Variants in SYNE2 observed in about 807,000 individuals in gnomAD.
The protein encoded by SYNE2 is spectrin repeat containing nuclear envelope protein 2.
SYNE2 carries 431 observed loss-of-function variants against 856.3 expected under a neutral mutation model. The ratio of observed to expected loss-of-function variants is 0.50; its 90% CI spans 0.47 to 0.55. The LOEUF is 0.55. SYNE2 is among the 20% of genes least tolerant of loss of function. The pLI, the probability that SYNE2 is intolerant of heterozygous loss-of-function variation, is 0.00. For synonymous variants in SYNE2, 2,923 were observed against 2,872.3 expected, an observed-to-expected ratio of 1.02 and a Z score of -0.56; for missense variants, 8,129 against 8,023.2, an observed-to-expected ratio of 1.01 and a Z score of -0.50.
intron 103 of SYNE2, 137 bp downstream of exon 103, chr14:64,210,261 C>A: frequency 8.7e-7 from 1 of 1,152,828 alleles, no homozygotes; most frequent in Non-Finnish European, 1.2e-6. Context: ...AGTCCTCCAA[C>A]ACAAAGAAGC....
chr14:64,150,929 G>C (rs1448055214), intron 84 of SYNE2, among the ~76,000 whole-genome samples: 2 of 152,114 alleles, frequency 1.3e-5, no homozygotes, highest in Non-Finnish European at 2.9e-5. Flanking sequence ...GGGTGCCTTT[G>C]TAACCAGTCC....
intron 2 of SYNE2, among the ~76,000 whole-genome samples, chr14:63,929,785 T>A (rs867817734): frequency 1.4e-4 from 18 of 125,010 alleles, no homozygotes; most frequent in South Asian, 2.7e-4. Flanking sequence ...AAAAAAAAAA[T>A]TTTTTTTTTC....
Position 64,225,426 on chromosome 14 carries a change from T to A in SYNE2, c.20624T>A (p.Leu6875Gln). 6.2e-7 allele frequency: 1 copy of A among 1,614,168 alleles called. No homozygotes were observed. Among genetic ancestry groups the A allele is most frequent in the Non-Finnish European group, 8.5e-7 (1 of 1,180,008 alleles). ...CTGCTGCTGCTCCTGGCCTGCCTGC[T>A]GCCCTCCTCCGAAGAAGACTACAGC... ...LLLLLLLACL[L>Q]PSSEEDYSCT... The change falls in exon 116 of 116, where the codon CTG becomes CAG. Residue 6875 changes from leucine to glutamine, a missense_variant. Around this residue, in one of 3 missense-constraint regions of SYNE2, gnomAD observed 5,410 missense variants for 5,284.8 expected, o/e 1.02. Coordinates refer to ENST00000555002, the MANE Select transcript of SYNE2 (RefSeq NM_182914.3).
In SYNE2 at chr14:64,190,216, T is replaced by A. The variant is rs372082498; in HGVS notation, c.18017T>A (p.Leu6006His). ...LNKINDRWQH[L>H]FDVIGSRVKK... ...AAAATTAACGATCGTTGGCAACATC[T>A]TTTTGATGTCATCGGATCAAGGTAA... is the stretch of plus-strand genomic sequence containing the variant. The change falls in exon 99 of 116, where the codon CTT becomes CAT. Residue 6006 changes from leucine (L) to histidine (H), a missense_variant. By Grantham distance (99) the Leu-to-His change is moderately conservative (BLOSUM62 -3). Transcript: ENST00000555002. The A allele has an allele frequency of 3.7e-6, 6 of 1,613,994 alleles. No individual in the cohort carries two copies. The African/African-American group carries it at 8.0e-5, about 22-fold the overall frequency.
At chr14:64,219,445 G>A in intron 110 of SYNE2, 35 bp downstream of exon 110, 1 of 1,603,538 alleles carries the variant, frequency 6.2e-7, no homozygotes, top group Non-Finnish European at 8.5e-7. Flanking sequence ...GAGGGATTCA[G>A]AATGTGCATG....
Position 64,141,516 on chromosome 14 carries a change from T to C in SYNE2, c.15152T>C (p.Leu5051Pro). The stretch of plus-strand genomic sequence containing the variant: ...CAACTTCCAGATATTCAAGAAAAAC[T>C]TCACCAGGTAAGTCTTTAGAGCCTC... ...ITQLPDIQEK[L>P]HQLQMEKLPS... is the part of the protein sequence containing the mutation. Residue 5051 changes from leucine to proline, a missense_variant, in exon 81 of 116, where the codon CTT (leucine) becomes CCT (proline). By Grantham distance (98) the Leu-to-Pro change is moderately conservative. Around this residue, in one of 3 missense-constraint regions of SYNE2, gnomAD observed 5,410 missense variants for 5,284.8 expected, o/e 1.02. Coordinates refer to ENST00000555002, the MANE Select transcript of SYNE2 (RefSeq NM_182914.3). 6.2e-7 allele frequency: 1 copy of C among 1,613,944 alleles called. No individual in the cohort carries two copies. Among genetic ancestry groups the C allele is most frequent in the Non-Finnish European group, 8.5e-7 (1 of 1,179,922 alleles).
In SYNE2 at chr14:64,216,452, G is replaced by A. The variant is rs757266061; in HGVS notation, c.19542+65G>A. 1.3e-5 allele frequency: 21 copies of A among 1,581,130 alleles called. No individual in the cohort carries two copies. In the African/African-American group the frequency reaches 2.8e-4, roughly 21 times the overall value. ...GAGTCATACTTACATTTGCAAGAGAGAGAGATTTTGGTGTAAACTGCGTGT... is the reference window on the plus strand; with the variant it reads ...GAGTCATACTTACATTTGCAAGAGAAAGAGATTTTGGTGTAAACTGCGTGT... On this transcript the variant is annotated intron_variant, in intron 108 of 115. Coordinates refer to ENST00000555002, the MANE Select transcript of SYNE2 (RefSeq NM_182914.3).
At chr14:64,200,921 C>T (rs949029543) in intron 99 of SYNE2, among the ~76,000 whole-genome samples, 2 of 152,200 alleles carry the variant, frequency 1.3e-5, no homozygotes, top group African/African-American at 4.8e-5. Context: ...TGTCCTTCTT[C>T]CAAGCTTGCC....
At chr14:64,080,688 G>A (rs1344670777) in intron 56 of SYNE2, 50 bp downstream of exon 56, 1 of 1,598,594 alleles carries the variant, frequency 6.3e-7, no homozygotes, top group Non-Finnish European at 8.6e-7. Flanking sequence ...GTATTGAGAT[G>A]GTGTTAAAGC....
At chr14:63,774,804 C>T (rs570902152) in intron 1 of SYNE2, among the ~76,000 whole-genome samples, 12 of 152,112 alleles carry the variant, frequency 7.9e-5, no homozygotes, top group African/African-American at 1.9e-4. Context: ...CCATAAATTG[C>T]ATGGCTTAAA....
rs758892069 is a variant in SYNE2 at position 64,025,352 on chromosome 14, A to G, written c.6183A>G (p.Lys2061=). ...HDVIHWIKEI[K]ESLMVLNSSE... ...TAATTCATTGGATAAAAGAGATTAA[A>G]GAGTCCCTTATGGTTTTGAATTCAT... The change falls in exon 41 of 116, where the codon AAA becomes AAG. Residue 2061 remains lysine (K), a synonymous_variant. Coordinates refer to ENST00000555002, the MANE Select transcript of SYNE2 (RefSeq NM_182914.3). The G allele has an allele frequency of 4.3e-6, 7 of 1,614,052 alleles. No homozygotes were observed. In the Admixed American group the frequency reaches 1.2e-4, roughly 27 times the overall value.
At chr14:63,882,038 T>C (rs962208341) in intron 1 of SYNE2, among the ~76,000 whole-genome samples, 12 of 152,284 alleles carry the variant, frequency 7.9e-5, no homozygotes, top group African/African-American at 2.9e-4. Flanking sequence ...GGTCGTGCTT[T>C]GTGTGAATTA....
intron 2 of SYNE2, among the ~76,000 whole-genome samples, chr14:63,916,038 C>T (rs1003712075): frequency 6.6e-6 from 1 of 150,510 alleles, no homozygotes; most frequent in Non-Finnish European, 1.5e-5. Flanking sequence ...AATTGGGCAC[C>T]TTCAAGAAGC....
intron 32 of SYNE2, among the ~76,000 whole-genome samples, chr14:64,015,215 A>G (rs2096883461): frequency 1.3e-5 from 2 of 151,404 alleles, no homozygotes; most frequent in African/African-American, 4.8e-5. Context: ...CATAAAATTA[A>G]TTGGGAGTGT....
chr14:63,878,853 G>T (rs112688838), intron 1 of SYNE2, among the ~76,000 whole-genome samples: 16 of 152,206 alleles, frequency 1.1e-4, no homozygotes, highest in Non-Finnish European at 1.8e-4. Flanking sequence ...CTTGAAGCCC[G>T]TTTTAAAAGT....
intron 42 of SYNE2, 27 bp from the exon 43 acceptor site, chr14:64,027,457 A>C (rs1250405093): frequency 6.8e-7 from 1 of 1,475,972 alleles, no homozygotes; most frequent in Non-Finnish European, 9.3e-7. Context: ...ATATCATTTA[A>C]TTTATAAAAT....
rs774818200 is a variant in SYNE2, at chr14:64,167,357, G to GGGCCAC, written c.16740_16745dup (p.Thr5581_Ala5582dup). ...CAAAATATGAACCGGCAATGGATTC[G>GGGCCAC]GGCCACGGCCACGGCACTGGAGCGC... On this transcript the variant is annotated inframe_insertion, in exon 91 of 116. Transcript: ENST00000555002. The GGGCCAC allele has an allele frequency of 4.3e-6, 7 of 1,614,052 alleles. No homozygotes were observed. The highest frequency in any genetic ancestry group is 2.7e-5 in the African/African-American group (2 of 74,916).
intron 99 of SYNE2, among the ~76,000 whole-genome samples, chr14:64,199,311 A>G (rs2139877214): frequency 6.6e-6 from 1 of 152,332 alleles, no homozygotes; most frequent in East Asian, 1.9e-4. Context: ...GCTCCAGACC[A>G]GACTACCCAG....
In SYNE2 at chr14:63,982,750, A is replaced by G; in HGVS notation, c.1957A>G (p.Arg653Gly). The change falls in exon 17 of 116, where the codon AGG becomes GGG. Residue 653 changes from arginine (R) to glycine (G), a missense_variant. This residue lies in a region of SYNE2 where 2,422 missense variants were observed against 2,357.4 expected (regional missense o/e 1.03). Coordinates refer to ENST00000555002, the MANE Select transcript of SYNE2 (RefSeq NM_182914.3). ...VGSSISKELR[R>G]LNKRWRKLVS... is the part of the protein sequence containing the mutation. ...ATCATCTATTTCTAAAGAACTGAGA[A>G]GGCTGAATAAAAGATGGAGAAAGTT... 1 of 1,614,076 alleles carries G rather than the reference A, an allele frequency of 6.2e-7. No individual in the cohort carries two copies. The highest frequency in any genetic ancestry group is 8.5e-7 in the Non-Finnish European group (1 of 1,179,974).
Sources: allele counts gnomAD v4.1 joint callset (sites outside exome capture counted in the v4.1 genomes callset), GRCh38; gene constraint gnomAD v4.1.1; regional missense constraint gnomAD v4.1.1; transcripts MANE v1.5; gene names NCBI Gene and HGNC (gene_info 2026-07-23, HGNC 2026-07-21).